The following TAFA4 variants were observed in gnomAD, a reference collection of about 807,000 sequenced individuals.
The protein encoded by TAFA4 is TAFA chemokine like family member 4, also known as chemokine-like protein TAFA-4.
TAFA4 carries 20 observed loss-of-function variants against 21.1 expected under a neutral mutation model. That is an observed-to-expected ratio of 0.95 (90% CI 0.67 to 1.38). TAFA4 has a LOEUF of 1.38. Ranked by LOEUF, TAFA4 falls within the 40% of genes most tolerant of loss-of-function variation. The pLI is 0.00. For missense variants in TAFA4, 211 were observed against 180.9 expected (o/e 1.17, Z -0.95); for synonymous variants, 71 against 67.4 (o/e 1.05, Z -0.26).
At chr3:68,818,274 A>G (rs1704032081) in intron 3 of TAFA4, among the ~76,000 whole-genome samples, 1 of 152,184 alleles carries the variant, frequency 6.6e-6, no homozygotes, top group African/African-American at 2.4e-5. Flanking sequence ...CAAAGAACTT[A>G]AGAGAGTTAG....
intron 3 of TAFA4, among the ~76,000 whole-genome samples, chr3:68,817,757 ATC>A (rs901159203): frequency 1.3e-5 from 2 of 151,788 alleles, no homozygotes; most frequent in African/African-American, 4.8e-5. Flanking sequence ...TTGAAAAGGA[ATC>A]TCTTTTTTTT....
chr3:68,881,939 C>T (rs1344799733), intron 2 of TAFA4, among the ~76,000 whole-genome samples: 1 of 152,136 alleles, frequency 6.6e-6, no homozygotes, highest in Non-Finnish European at 1.5e-5. Flanking sequence ...AATTGAATGC[C>T]ACACCATACG....
chr3:68,734,350 CAG>C (rs1051246739), intron 5 of TAFA4, among the ~76,000 whole-genome samples: 6 of 151,998 alleles, frequency 3.9e-5, no homozygotes, highest in Admixed American at 3.9e-4. Context: ...GTTGGATAAA[CAG>C]GTAAAATTAA....
chr3:68,815,363 A>G (rs1411013676), intron 3 of TAFA4, among the ~76,000 whole-genome samples: 1 of 152,206 alleles, frequency 6.6e-6, no homozygotes, highest in African/African-American at 2.4e-5. Flanking sequence ...AACTACCATC[A>G]GAGTGAACAG....
At chr3:68,779,308 A>G in intron 3 of TAFA4, among the ~76,000 whole-genome samples, 1 of 152,244 alleles carries the variant, frequency 6.6e-6, no homozygotes, top group East Asian at 1.9e-4. Context: ...GATAGAAAAG[A>G]AAATCCCATT....
At chr3:68,806,770 T>A (rs545105688) in intron 3 of TAFA4, among the ~76,000 whole-genome samples, 1 of 152,284 alleles carries the variant, frequency 6.6e-6, no homozygotes, top group African/African-American at 2.4e-5. Flanking sequence ...TTCCCTTCTC[T>A]ACTCTCTACC....
intron 3 of TAFA4, 24 bp downstream of exon 3, chr3:68,880,706 G>A: frequency 3.8e-6 from 6 of 1,591,980 alleles, no homozygotes; most frequent in Non-Finnish European, 5.2e-6. Context: ...TCTCAGCAGT[G>A]CATAATGAGC....
intron 1 of TAFA4, among the ~76,000 whole-genome samples, chr3:68,925,415 GC>G (rs1559565437): frequency 1.3e-5 from 2 of 152,132 alleles, no homozygotes; most frequent in African/African-American, 4.8e-5. Context: ...GTGATTTGTT[GC>G]CCCCAACGAT....
chr3:68,785,463 G>A (rs866381781), intron 3 of TAFA4, among the ~76,000 whole-genome samples: 11 of 152,240 alleles, frequency 7.2e-5, no homozygotes, highest in African/African-American at 1.4e-4. Context: ...CCTGCCCCGC[G>A]CGGGAAGGCA....
chr3:68,840,613 T>C (rs1559539520), intron 3 of TAFA4, among the ~76,000 whole-genome samples: 2 of 152,164 alleles, frequency 1.3e-5, no homozygotes, highest in Non-Finnish European at 2.9e-5. Flanking sequence ...TAAAAACTCT[T>C]ATGTTGTTTC....
intron 3 of TAFA4, among the ~76,000 whole-genome samples, chr3:68,827,893 C>A (rs1041995286): frequency 1.3e-5 from 2 of 152,106 alleles, no homozygotes; most frequent in Admixed American, 1.3e-4. Context: ...TAATTAGATC[C>A]CATTTGTCAA....
At chr3:68,760,016 C>T (rs930720742) in intron 3 of TAFA4, among the ~76,000 whole-genome samples, 3 of 152,078 alleles carry the variant, frequency 2.0e-5, no homozygotes, top group African/African-American at 7.2e-5. Flanking sequence ...GAAACTGTTA[C>T]TCGATTCCTT....
chr3:68,733,097 C>T lies in TAFA4; in HGVS notation c.*45G>A, dbSNP rs369805556. The T allele has an allele frequency of 8.6e-5, 139 of 1,611,182 alleles. No individual in the cohort carries two copies. Among genetic ancestry groups the T allele is most frequent in the African/African-American group, 2.9e-4 (22 of 74,722 alleles). On this transcript the variant is annotated 3_prime_UTR_variant, in exon 6 of 6. Coordinates refer to ENST00000295569, the MANE Select transcript of TAFA4 (RefSeq NM_182522.5). ...GATGGGAATCCAAGCAAAAGAGCTCCGCCTCCTGCTGCCCCTCCAGGATTG... is the reference window on the plus strand; with the variant it reads ...GATGGGAATCCAAGCAAAAGAGCTCTGCCTCCTGCTGCCCCTCCAGGATTG...
At chr3:68,880,272 T>G (rs922417954) in intron 3 of TAFA4, among the ~76,000 whole-genome samples, 3 of 152,182 alleles carry the variant, frequency 2.0e-5, no homozygotes, top group African/African-American at 7.2e-5. Context: ...GTAGCATATT[T>G]TCTCCACATC....
intron 3 of TAFA4, among the ~76,000 whole-genome samples, chr3:68,782,025 C>G (rs1272038434): frequency 6.6e-6 from 1 of 152,048 alleles, no homozygotes; most frequent in Non-Finnish European, 1.5e-5. Context: ...AAATTTAAAA[C>G]TTTAAGTATC....
intron 3 of TAFA4, among the ~76,000 whole-genome samples, chr3:68,872,569 TAAAG>T (rs2089495676): frequency 6.6e-6 from 1 of 152,116 alleles, no homozygotes. Flanking sequence ...ATTCCCAACA[TAAAG>T]AAAGGGTGAA....
chr3:68,931,004 G>A (rs1397629588), intron 1 of TAFA4, among the ~76,000 whole-genome samples: 2 of 152,174 alleles, frequency 1.3e-5, no homozygotes, highest in Non-Finnish European at 2.9e-5. Context: ...TTCTAGAGGG[G>A]GCCAAACGAA....
chr3:68,897,170 G>A (rs139577802), intron 1 of TAFA4, among the ~76,000 whole-genome samples: 30,651 of 151,898 alleles, frequency 0.2, 3,709 homozygotes, highest in East Asian at 0.49. Context: ...CCAAAGTGCT[G>A]GGATTACAGG....
chr3:68,878,201 A>T (rs1393207558), intron 3 of TAFA4, among the ~76,000 whole-genome samples: 1 of 152,232 alleles, frequency 6.6e-6, no homozygotes, highest in Admixed American at 6.5e-5. Flanking sequence ...TCCAGGTTAT[A>T]TTCAAAGTTC....
Sources: allele counts gnomAD v4.1 joint callset (sites outside exome capture counted in the v4.1 genomes callset), GRCh38; gene constraint gnomAD v4.1.1; transcripts MANE v1.5; gene names NCBI Gene and HGNC (gene_info 2026-07-23, HGNC 2026-07-21).